The following ANO10 variants were observed in gnomAD, a reference collection of about 807,000 sequenced individuals.
ANO10 encodes the protein anoctamin-10.
A neutral mutation model predicts 74.7 loss-of-function variants in ANO10; 77 were observed. The observed-to-expected ratio is 1.03, with a 90% confidence interval of 0.86 to 1.25. The LOEUF (loss-of-function observed/expected upper bound fraction) is 1.25, where lower values mean the gene tolerates loss of function less well. Among genes scored for constraint, ANO10 ranks in the 50% most tolerant of loss-of-function variants. ANO10 has a pLI of 0.00. For synonymous variants in ANO10, 279 were observed against 284.9 expected, an observed-to-expected ratio of 0.98 and a Z score of 0.21; for missense variants, 721 against 778.1, an observed-to-expected ratio of 0.93 and a Z score of 0.87.
chr3:43,536,793 A>C (rs1234678623), intron 11 of ANO10, among the ~76,000 whole-genome samples: 3 of 152,040 alleles, frequency 2.0e-5, no homozygotes, highest in Non-Finnish European at 2.9e-5. Flanking sequence ...AAAAAAATCT[A>C]CTTTTTTCAT....
chr3:43,405,219 C>T (rs940797110), intron 12 of ANO10, among the ~76,000 whole-genome samples: 1 of 152,186 alleles, frequency 6.6e-6, no homozygotes, highest in Non-Finnish European at 1.5e-5. Flanking sequence ...TTAAGAAATG[C>T]TACCCTTTGA....
At position 43,499,260 on chromosome 3, in the gene ANO10, A is replaced by G. The variant is rs1044550022; in HGVS notation, c.1797+50460T>C. Among the ~76,000 whole-genome samples, 9 of 152,336 alleles carry G rather than the reference A, an allele frequency of 5.9e-5. No individual in the cohort carries two copies. The East Asian group carries it at 7.7e-4, about 13-fold the overall frequency. On this transcript the variant is annotated intron_variant, in intron 11 of 12. Transcript: ENST00000292246. ...GAGACCCTATCACAAAGAGTTTACA[A>G]TCTTTTACAGTTGAGGAACCCAGTC...
chr3:43,518,526 C>T (rs1036912593), intron 11 of ANO10, among the ~76,000 whole-genome samples: 2 of 152,170 alleles, frequency 1.3e-5, no homozygotes, highest in African/African-American at 4.8e-5. Flanking sequence ...AACCATGGGG[C>T]CTGACTGCCT....
intron 11 of ANO10, among the ~76,000 whole-genome samples, chr3:43,470,682 A>T (rs1424528499): frequency 6.6e-6 from 1 of 151,702 alleles, no homozygotes; most frequent in Non-Finnish European, 1.5e-5. Context: ...GCTGGAGTGC[A>T]GTAATGCAAT....
chr3:43,587,925 GA>G (rs779183637), intron 4 of ANO10, among the ~76,000 whole-genome samples: 2 of 152,060 alleles, frequency 1.3e-5, no homozygotes, highest in Non-Finnish European at 2.9e-5. Flanking sequence ...TGATAAAATG[GA>G]AACTTTTCTA....
chr3:43,550,692 CCA>C (rs1388235902), intron 10 of ANO10, among the ~76,000 whole-genome samples: 1 of 146,804 alleles, frequency 6.8e-6, no homozygotes, highest in Non-Finnish European at 1.5e-5. Context: ...GATTATTTTT[CCA>C]CAGTTTTCTT....
At chr3:43,623,547 A>T (rs550225496), upstream of ANO10, among the ~76,000 whole-genome samples, 246 of 152,316 alleles carry the variant, frequency 1.6e-3, no homozygotes, top group African/African-American at 5.6e-3. Flanking sequence ...TGAAAAATTT[A>T]AAAAATGAAT....
chr3:43,441,716 T>C (rs1052549920), intron 11 of ANO10, among the ~76,000 whole-genome samples: 7 of 152,074 alleles, frequency 4.6e-5, no homozygotes, highest in Non-Finnish European at 1.0e-4. Flanking sequence ...AAGAAAACTA[T>C]AGTCCAATAT....
intron 11 of ANO10, among the ~76,000 whole-genome samples, chr3:43,494,326 G>A (rs1291060167): frequency 6.6e-6 from 1 of 152,100 alleles, no homozygotes; most frequent in Non-Finnish European, 1.5e-5. Flanking sequence ...GGTGGCAGAC[G>A]CCTGTAATCC....
At chr3:43,500,300 C>G (rs530621168) in intron 11 of ANO10, among the ~76,000 whole-genome samples, 1 of 152,332 alleles carries the variant, frequency 6.6e-6, no homozygotes, top group Non-Finnish European at 1.5e-5. Context: ...CAGTGCTTCA[C>G]CACTCTATCC....
At chr3:43,461,411 T>C (rs2075371726) in intron 11 of ANO10, among the ~76,000 whole-genome samples, 1 of 152,188 alleles carries the variant, frequency 6.6e-6, no homozygotes, top group Non-Finnish European at 1.5e-5. Context: ...ATTGGGAAAG[T>C]ATATAAAACA....
chr3:43,410,494 C>T (rs1475694119), intron 12 of ANO10, among the ~76,000 whole-genome samples: 2 of 152,106 alleles, frequency 1.3e-5, no homozygotes, highest in East Asian at 1.9e-4. Context: ...CTTACTGGCC[C>T]TGTATCTGAT....
At chr3:43,390,904 T>C (rs2092258508) in intron 12 of ANO10, among the ~76,000 whole-genome samples, 1 of 152,248 alleles carries the variant, frequency 6.6e-6, no homozygotes, top group Non-Finnish European at 1.5e-5. Context: ...CAGGTCCCAC[T>C]TGCAATTCTC....
intron 1 of ANO10, among the ~76,000 whole-genome samples, chr3:43,684,443 G>C (rs1275755321): frequency 1.3e-5 from 2 of 152,200 alleles, no homozygotes; most frequent in African/African-American, 4.8e-5. Context: ...AGGTGCTAGA[G>C]AGGATGTGGA....
chr3:43,574,396 A>G (rs112139425), intron 7 of ANO10, among the ~76,000 whole-genome samples: 2,863 of 150,244 alleles, frequency 0.019, 79 homozygotes, highest in African/African-American at 0.065. Context: ...TCAGCTTCCC[A>G]AGTAGCTGGG....
At chr3:43,478,477 T>A (rs1339480101) in intron 11 of ANO10, among the ~76,000 whole-genome samples, 1 of 152,216 alleles carries the variant, frequency 6.6e-6, no homozygotes, top group African/African-American at 2.4e-5. Flanking sequence ...GCCAGGATCT[T>A]AGCTGTCTGA....
rs573104035 is a variant in ANO10, at chr3:43,373,103, C to A, written c.1915-6129G>T. Among the ~76,000 whole-genome samples, 12 of 152,216 alleles carry A rather than the reference C, an allele frequency of 7.9e-5. No homozygotes were observed. The South Asian group carries it at 2.5e-3, about 32-fold the overall frequency. On this transcript the variant is annotated intron_variant, in intron 12 of 12. Transcript: ENST00000292246. The stretch of plus-strand genomic sequence containing the variant: ...CGGGTTTCAGGGTTCCCAGCAGCTA[C>A]CTGCCCTGGTAACAATGCAGATTTG...
At chr3:43,647,847 G>A (rs536992633) in intron 1 of ANO10, among the ~76,000 whole-genome samples, 1 of 152,244 alleles carries the variant, frequency 6.6e-6, no homozygotes, top group Non-Finnish European at 1.5e-5. Context: ...TTGTAAAGGG[G>A]TAACAATAGC....
chr3:43,510,709 T>A (rs573758361), intron 11 of ANO10, among the ~76,000 whole-genome samples: 5 of 152,232 alleles, frequency 3.3e-5, no homozygotes, highest in African/African-American at 7.2e-5. Flanking sequence ...TTCTCCCACA[T>A]CCCTGAGACC....
Sources: allele counts gnomAD v4.1 joint callset (sites outside exome capture counted in the v4.1 genomes callset), GRCh38; gene constraint gnomAD v4.1.1; transcripts MANE v1.5; gene names NCBI Gene and HGNC (gene_info 2026-07-23, HGNC 2026-07-21).